IL2RB: variants seen among roughly 807,000 people sequenced by gnomAD.
IL2RB encodes interleukin 2 receptor subunit beta, also known as interleukin-2 receptor subunit beta.
IL2RB carries 17 observed loss-of-function variants against 44.2 expected under a neutral mutation model. That is an observed-to-expected ratio of 0.38 (90% CI 0.26 to 0.58). IL2RB has a LOEUF of 0.58. IL2RB is among the 20% of genes least tolerant of loss of function. The probability of loss-of-function intolerance (pLI) is 0.63; values close to 1 mark genes in which losing one functional copy is unlikely to be tolerated. For missense variants in IL2RB, 624 were observed against 685.5 expected (o/e 0.91, Z 1.00); for synonymous variants, 286 against 297.9 (o/e 0.96, Z 0.41).
At chr22:37,174,010 T>TC (rs926414232) in intron 1 of IL2RB, among the ~76,000 whole-genome samples, 1 of 152,118 alleles carries the variant, frequency 6.6e-6, no homozygotes, top group African/African-American at 2.4e-5. Context: ...CAACAGCTTC[T>TC]CCCCACCCCA....
Position 37,131,832 on chromosome 22 carries a change from G to A in IL2RB, c.903+552C>T, listed in dbSNP as rs147603762. On this transcript the variant is annotated intron_variant, in intron 9 of 9. Transcript: ENST00000216223. ...GCTCACTGTAACCTCCGCCTCCTGGGTTCAAGCGATTCCCCTGTCTCAGCC... is the reference window on the plus strand; with the variant it reads ...GCTCACTGTAACCTCCGCCTCCTGGATTCAAGCGATTCCCCTGTCTCAGCC... Among the ~76,000 whole-genome samples the A allele has an allele frequency of 2.5e-3, 384 of 152,212 alleles. 1 individual carries two copies. The highest frequency in any genetic ancestry group is 8.7e-3 in the African/African-American group (362 of 41,530).
chr22:37,152,920 C>T (rs1003043235), upstream of IL2RB, among the ~76,000 whole-genome samples: 1 of 143,508 alleles, frequency 7.0e-6, no homozygotes, highest in Non-Finnish European at 1.5e-5. Context: ...TTATTGCAAG[C>T]TGTGGCCTCT....
At position 37,127,948 on chromosome 22, in the gene IL2RB, A is replaced by G; in HGVS notation, c.*148T>C. ...TTGGAAATGGATGGACCAAGTGTGCAGGACTGGGTGGGGGCCATCCGGGTG... is the reference window on the plus strand; with the variant it reads ...TTGGAAATGGATGGACCAAGTGTGCGGGACTGGGTGGGGGCCATCCGGGTG... On this transcript the variant is annotated 3_prime_UTR_variant, in exon 10 of 10. Coordinates refer to ENST00000216223, the MANE Select transcript of IL2RB (RefSeq NM_000878.5). 11 of 541,036 alleles carry G rather than the reference A, an allele frequency of 2.0e-5. No homozygotes were observed. The highest frequency in any genetic ancestry group is 3.3e-5 in the Non-Finnish European group (11 of 335,096). The allele number at this position is 541,036 out of a possible 1,614,324, so 33.5% of individuals were successfully genotyped here.
chr22:37,164,076 A>G lies in IL2RB; in HGVS notation c.-34+10882T>C, dbSNP rs143639964. On this transcript the variant is annotated intron_variant, in intron 1 of 5. Coordinates refer to the IL2RB transcript ENST00000429622. ...AAACAGCCCAGAGGCCATCACCTGT[A>G]TCACACGTGAGGGTGCGTGAGGAGA... 7.0e-4 allele frequency among the ~76,000 whole-genome samples: 106 copies of G among 152,338 alleles called. 1 individual carries two copies. The highest frequency in any genetic ancestry group is 2.3e-3 in the African/African-American group (97 of 41,574).
At chr22:37,173,380 A>G (rs1923351978) in intron 1 of IL2RB, among the ~76,000 whole-genome samples, 1 of 152,244 alleles carries the variant, frequency 6.6e-6, no homozygotes, top group African/African-American at 2.4e-5. Flanking sequence ...CCCTGTGCTT[A>G]GCACAGGGCC....
chr22:37,132,492 G>A, intron 8 of IL2RB, 24 bp from the exon 9 acceptor site: 3 of 1,590,442 alleles, frequency 1.9e-6, no homozygotes, highest in South Asian at 2.2e-5. Flanking sequence ...AGGAGGGAAG[G>A]AGGAGGGTGA....
At position 37,143,559 on chromosome 22, in the gene IL2RB, C is replaced by T; in HGVS notation, c.165G>A (p.Gln55=). 4.3e-6 allele frequency: 7 copies of T among 1,614,072 alleles called. No homozygotes were observed. Among genetic ancestry groups the T allele is most frequent in the Non-Finnish European group, 5.9e-6 (7 of 1,179,978 alleles). The change falls in exon 3 of 10, where the codon CAG becomes CAA. Residue 55 remains glutamine (Q), a synonymous_variant. Transcript: ENST00000216223. ...AGGCATGGACTTGGCAGGAAGTGTC[C>T]TGCAGAGCCCCATCTTGGCTCCAGA... The part of the protein sequence containing the change: ...SCVWSQDGAL[Q]DTSCQVHAWP...
chr22:37,144,231 C>G, intron 1 of IL2RB, 26 bp from the exon 2 acceptor site: 2 of 1,527,102 alleles, frequency 1.3e-6, no homozygotes. Flanking sequence ...AAAGAGAGAG[C>G]ACACGTAAAT....
intron 3 of IL2RB, among the ~76,000 whole-genome samples, chr22:37,143,178 T>C (rs1922050622): frequency 6.6e-6 from 1 of 152,088 alleles, no homozygotes; most frequent in African/African-American, 2.4e-5. Context: ...GGGACCCTCC[T>C]TTCTCCCCAC....
At chr22:37,143,884 CGTGTGTGT>C (rs55819516) in intron 2 of IL2RB, among the ~76,000 whole-genome samples, 193 bp downstream of exon 2, 26 of 139,892 alleles carry the variant, frequency 1.9e-4, no homozygotes, top group South Asian at 4.5e-4. Context: ...CTTGGAGAGG[CGTGTGTGT>C]GTGTGTGTGT....
chr22:37,171,111 G>A (rs1230438994), intron 1 of IL2RB, among the ~76,000 whole-genome samples: 2 of 152,158 alleles, frequency 1.3e-5, no homozygotes, highest in African/African-American at 2.4e-5. Context: ...AGCCTCCCAA[G>A]TAGCTGGGAC....
At chr22:37,148,347 G>T (rs1024119363) in intron 1 of IL2RB, among the ~76,000 whole-genome samples, 10 of 152,164 alleles carry the variant, frequency 6.6e-5, no homozygotes, top group African/African-American at 2.2e-4. Context: ...CCCACTTAAG[G>T]TTGCACGGTG....
intron 1 of IL2RB, among the ~76,000 whole-genome samples, chr22:37,161,553 G>T (rs548440599): frequency 6.6e-6 from 1 of 151,574 alleles, no homozygotes. Flanking sequence ...ATGTGACCAG[G>T]TTCCTTCAAT....
At chr22:37,145,572 G>A (rs1027955428) in intron 1 of IL2RB, among the ~76,000 whole-genome samples, 5 of 152,054 alleles carry the variant, frequency 3.3e-5, no homozygotes, top group African/African-American at 4.8e-5. Flanking sequence ...CTGGGTGTGC[G>A]GAGGGGAATG....
chr22:37,137,650 G>C lies in IL2RB; in HGVS notation c.474C>G (p.Ser158=), dbSNP rs1270962520. Residue 158 remains serine (S), a synonymous_variant, in exon 6 of 10, where the codon TCC becomes TCG. Coordinates refer to ENST00000216223, the MANE Select transcript of IL2RB (RefSeq NM_000878.5). ...ACTCCAGGTGTCTTTCAAAGTAGTGGGAGGCTTGGGAGATTTCCCAGCTTA... is the reference window on the plus strand; with the variant it reads ...ACTCCAGGTGTCTTTCAAAGTAGTGCGAGGCTTGGGAGATTTCCCAGCTTA... ...CNISWEISQA[S]HYFERHLEFE... 6.2e-7 allele frequency: 1 copy of C among 1,614,170 alleles called. No homozygotes were observed. Among genetic ancestry groups the C allele is most frequent in the Non-Finnish European group, 8.5e-7 (1 of 1,180,002 alleles).
intron 1 of IL2RB, among the ~76,000 whole-genome samples, chr22:37,158,578 C>G (rs1384277953): frequency 1.3e-5 from 2 of 152,108 alleles, no homozygotes; most frequent in Non-Finnish European, 1.5e-5. Flanking sequence ...GAAGGGGAGG[C>G]TCTCTGGGTC....
chr22:37,156,060 C>T (rs1922670349), intron 1 of IL2RB, among the ~76,000 whole-genome samples: 2 of 152,332 alleles, frequency 1.3e-5, no homozygotes, highest in Non-Finnish European at 1.5e-5. Flanking sequence ...ACGCCCTACC[C>T]GTCCTCCCTC....
chr22:37,130,652 C>G (rs1307018686), intron 9 of IL2RB, among the ~76,000 whole-genome samples: 1 of 152,248 alleles, frequency 6.6e-6, no homozygotes, highest in Non-Finnish European at 1.5e-5. Context: ...CAGCTCCCAC[C>G]TCACGATGTT....
intron 1 of IL2RB, among the ~76,000 whole-genome samples, chr22:37,155,837 T>C (rs1213154416): frequency 6.6e-6 from 1 of 152,198 alleles, no homozygotes; most frequent in African/African-American, 2.4e-5. Context: ...CCCTCTGCGC[T>C]GCATCTTCAT....
Sources: gnomAD v4.1 joint callset for allele counts (sites outside exome capture counted in the v4.1 genomes callset) on GRCh38, gnomAD v4.1.1 for gene constraint, MANE v1.5 for transcripts, NCBI Gene and HGNC (gene_info 2026-07-23, HGNC 2026-07-21) for gene names.